The following RPS6KA5 variants were observed in gnomAD, a reference collection of about 807,000 sequenced individuals.
RPS6KA5 encodes the protein ribosomal protein S6 kinase alpha-5.
A neutral mutation model predicts 85.5 loss-of-function variants in RPS6KA5; 27 were observed. That is an observed-to-expected ratio of 0.32 (90% CI 0.23 to 0.44). RPS6KA5 has a LOEUF of 0.44. RPS6KA5 is among the 20% of genes least tolerant of loss of function. The pLI is 1.00. For synonymous variants in RPS6KA5, 334 were observed against 348.2 expected (o/e 0.96, Z 0.46); for missense variants, 811 against 980.9 (o/e 0.83, Z 2.31).
intron 1 of RPS6KA5, among the ~76,000 whole-genome samples, chr14:91,052,867 G>C (rs2043154122): frequency 6.7e-6 from 1 of 149,262 alleles, no homozygotes; most frequent in African/African-American, 2.5e-5. Flanking sequence ...TCTTTAGTTG[G>C]TGACAGAACT....
rs2032027956 is a variant in RPS6KA5 at position 90,852,095 on chromosome 14, T to TTC, written c.*19978_*19979insGA. 7.1e-6 allele frequency: 1 copy of TTC among 141,840 alleles called. No homozygotes were observed. Among genetic ancestry groups the TTC allele is most frequent in the South Asian group, 2.4e-4 (1 of 4,230 alleles). 8.8% of individuals were successfully genotyped at this position (141,840 alleles called of 1,614,324 possible). On this transcript the variant is annotated 3_prime_UTR_variant, in exon 17 of 17. Transcript: ENST00000614987. ...CTTTAAAAAATCACTTTTTTTTTTT[T>TTC]TTTTTTTTTTTTAAGACGGAGTCTC...
intron 1 of RPS6KA5, among the ~76,000 whole-genome samples, chr14:91,028,661 G>C (rs998153312): frequency 6.6e-6 from 1 of 152,018 alleles, no homozygotes; most frequent in African/African-American, 2.4e-5. Flanking sequence ...TGGGACTACA[G>C]GTGCCCACCA....
chr14:90,904,778 T>C (rs1230006263), intron 8 of RPS6KA5, among the ~76,000 whole-genome samples: 2 of 152,184 alleles, frequency 1.3e-5, no homozygotes, highest in Non-Finnish European at 2.9e-5. Context: ...AGTGTCCCTA[T>C]CATTTAAAAA....
At chr14:90,893,247 T>G (rs1448090862) in intron 13 of RPS6KA5, among the ~76,000 whole-genome samples, 1 of 152,184 alleles carries the variant, frequency 6.6e-6, no homozygotes, top group African/African-American at 2.4e-5. Flanking sequence ...GCACCATACT[T>G]TCAGTGGGTG....
At chr14:90,874,984 A>G (rs2033357442) in intron 15 of RPS6KA5, among the ~76,000 whole-genome samples, 2 of 152,222 alleles carry the variant, frequency 1.3e-5, no homozygotes, top group African/African-American at 2.4e-5. Flanking sequence ...CTGAGATGCC[A>G]GTGGAAGTCA....
At chr14:90,923,656 G>A (rs764181056) in intron 5 of RPS6KA5, among the ~76,000 whole-genome samples, 1 of 151,950 alleles carries the variant, frequency 6.6e-6, no homozygotes, top group African/African-American at 2.4e-5. Flanking sequence ...GAAGGGGTAG[G>A]AAAGACCAAA....
chr14:90,985,339 T>C (rs1158074511), intron 2 of RPS6KA5, among the ~76,000 whole-genome samples: 2 of 152,256 alleles, frequency 1.3e-5, no homozygotes, highest in East Asian at 3.8e-4. Flanking sequence ...CATAATTAAA[T>C]GCATGCAAAA....
chr14:91,011,808 G>A lies in RPS6KA5; in HGVS notation c.104-10649C>T, dbSNP rs565190039. 8.2e-4 allele frequency among the ~76,000 whole-genome samples: 125 copies of A among 152,202 alleles called. No homozygotes were observed. The Middle Eastern group carries it at 0.014, about 17-fold the overall frequency. On this transcript the variant is annotated intron_variant, in intron 1 of 16. Coordinates refer to ENST00000614987, the MANE Select transcript of RPS6KA5 (RefSeq NM_004755.4). Reference sequence around the variant, plus strand: ...AATGACTCCTATTTGCCACTATCAAGGCACATTTAATTAACAGCAATATAT... The same window carrying A: ...AATGACTCCTATTTGCCACTATCAAAGCACATTTAATTAACAGCAATATAT...
At chr14:91,045,126 A>T (rs2042817785) in intron 1 of RPS6KA5, among the ~76,000 whole-genome samples, 1 of 152,194 alleles carries the variant, frequency 6.6e-6, no homozygotes, top group Non-Finnish European at 1.5e-5. Context: ...TGCTATTACA[A>T]GCCACTACAT....
At chr14:90,943,302 G>C (rs745417515) in intron 4 of RPS6KA5, 117 bp from the exon 5 acceptor site, 11 of 613,874 alleles carry the variant, frequency 1.8e-5, no homozygotes, top group Admixed American at 3.1e-5. Flanking sequence ...CCCTCCTCAG[G>C]ATCCTGTAAT....
At position 90,915,810 on chromosome 14, in the gene RPS6KA5, T is replaced by TAAAA. The variant is rs201173068; in HGVS notation, c.806+4392_806+4395dup. Among the ~76,000 whole-genome samples, 689 of 149,532 alleles carry TAAAA rather than the reference T, an allele frequency of 4.6e-3. 4 individuals carry two copies. The highest frequency in any genetic ancestry group is 0.028 in the Middle Eastern group (8 of 290). ...ACAGAGTGAGACTCTGTCTCAACAT[T>TAAAA]AAAAAAATAAATAAATAAATAAAAT... On this transcript the variant is annotated intron_variant, in intron 7 of 16. Transcript: ENST00000614987.
intron 3 of RPS6KA5, among the ~76,000 whole-genome samples, chr14:90,965,335 T>C (rs2039004914): frequency 6.6e-6 from 1 of 152,066 alleles, no homozygotes; most frequent in Non-Finnish European, 1.5e-5. Flanking sequence ...GATCGCACCA[T>C]GGCACTACAG....
chr14:90,995,942 T>G (rs2040498017), intron 2 of RPS6KA5, among the ~76,000 whole-genome samples: 1 of 152,100 alleles, frequency 6.6e-6, no homozygotes, highest in Non-Finnish European at 1.5e-5. Flanking sequence ...GCAAGCAAGC[T>G]GAGTGTGTTG....
intron 5 of RPS6KA5, among the ~76,000 whole-genome samples, chr14:90,925,384 A>G (rs555666173): frequency 2.1e-4 from 32 of 152,342 alleles, no homozygotes; most frequent in Non-Finnish European, 3.8e-4. Context: ...TTCATCTGCT[A>G]GCACTCATTC....
Position 91,015,687 on chromosome 14 carries a change from CAG to C in RPS6KA5, c.104-14530_104-14529del, listed in dbSNP as rs2041459321. Among the ~76,000 whole-genome samples the C allele has an allele frequency of 5.9e-5, 9 of 152,230 alleles. No homozygotes were observed. The South Asian group carries it at 1.7e-3, about 28-fold the overall frequency. ...TGTTTTCCAGACTACATGCTGCTAA[CAG>C]TGCCAATTTGGTTTCTATTAGCACA... On this transcript the variant is annotated intron_variant, in intron 1 of 16. Transcript: ENST00000614987.
At chr14:90,890,782 A>G (rs2034506762) in intron 13 of RPS6KA5, 104 bp from the exon 14 acceptor site, 2 of 1,070,492 alleles carry the variant, frequency 1.9e-6, no homozygotes, top group Admixed American at 2.2e-5. Flanking sequence ...ATTCATGTGC[A>G]GAGAGGTCTC....
In RPS6KA5 at chr14:91,008,821, GT is replaced by G. The variant is rs757513553; in HGVS notation, c.104-7663del. Reference sequence around the variant, plus strand: ...TGGCTCTTCACTACATAAAAGTAATGTTTTAGAAAAATTCTCCTGGCAGTAA... The same window carrying G: ...TGGCTCTTCACTACATAAAAGTAATGTTTAGAAAAATTCTCCTGGCAGTAA... On this transcript the variant is annotated intron_variant, in intron 1 of 16. Transcript: ENST00000614987. 2.6e-5 allele frequency among the ~76,000 whole-genome samples: 4 copies of G among 152,276 alleles called. No homozygotes were observed. In the East Asian group the frequency reaches 7.7e-4, roughly 29 times the overall value.
rs543918628 is a variant in RPS6KA5 at position 90,887,130 on chromosome 14, G to T, written c.1836+3357C>A. 4.6e-5 allele frequency among the ~76,000 whole-genome samples: 7 copies of T among 152,156 alleles called. No individual in the cohort carries two copies. The South Asian group carries it at 8.3e-4, about 18-fold the overall frequency. On this transcript the variant is annotated intron_variant, in intron 14 of 16. Transcript: ENST00000614987. ...TTTTTTTTCGGATAGTTTAATGAAG[G>T]TATTATTTTTGTTCATTTTCATCTG...
intron 12 of RPS6KA5, among the ~76,000 whole-genome samples, chr14:90,897,108 C>G (rs2034883034): frequency 6.6e-6 from 1 of 152,148 alleles, no homozygotes; most frequent in African/African-American, 2.4e-5. Flanking sequence ...GCATTAGATT[C>G]TTATAAGGAG....
Sources: allele counts gnomAD v4.1 joint callset (sites outside exome capture counted in the v4.1 genomes callset), GRCh38; gene constraint gnomAD v4.1.1; transcripts MANE v1.5; gene names NCBI Gene and HGNC (gene_info 2026-07-23, HGNC 2026-07-21).